The following UBE2U variants were observed in gnomAD, a reference collection of about 807,000 sequenced individuals.
UBE2U encodes the protein ubiquitin-conjugating enzyme E2 U.
A neutral mutation model predicts 41.2 loss-of-function variants in UBE2U; 39 were observed. The ratio of observed to expected loss-of-function variants is 0.95; its 90% CI spans 0.73 to 1.24. The LOEUF (loss-of-function observed/expected upper bound fraction) is 1.24, where lower values mean the gene tolerates loss of function less well. UBE2U is among the 50% of genes most tolerant of loss of function. The probability of loss-of-function intolerance (pLI) is 0.00; values close to 1 mark genes in which losing one functional copy is unlikely to be tolerated. For synonymous variants in UBE2U, 107 were observed against 117.8 expected (o/e 0.91, Z 0.60); for missense variants, 336 against 363.1 (o/e 0.93, Z 0.61).
intron 8 of UBE2U, among the ~76,000 whole-genome samples, chr1:64,254,295 C>A (rs1358013982): frequency 6.6e-6 from 1 of 152,082 alleles, no homozygotes; most frequent in Non-Finnish European, 1.5e-5. Context: ...ACTTAGACTC[C>A]CACACAGTAA....
intron 6 of UBE2U, among the ~76,000 whole-genome samples, chr1:64,222,103 A>AAAAAC (rs944569771): frequency 4.0e-5 from 6 of 151,506 alleles, no homozygotes; most frequent in African/African-American, 1.5e-4. Flanking sequence ...AAAAAAAAAA[A>AAAAAC]AAAAAACACA....
intron 7 of UBE2U, among the ~76,000 whole-genome samples, chr1:64,239,703 ATTTTT>A (rs1227258949): frequency 1.3e-5 from 2 of 151,942 alleles, no homozygotes; most frequent in African/African-American, 2.4e-5. Context: ...TGAACTCATC[ATTTTT>A]TATGGCTGCA....
intron 7 of UBE2U, among the ~76,000 whole-genome samples, chr1:64,237,265 G>A (rs1049726432): frequency 8.1e-5 from 12 of 147,262 alleles, no homozygotes; most frequent in Non-Finnish European, 1.6e-4. Flanking sequence ...AAAAAATTCA[G>A]GGCAACCCGT....
chr1:64,244,346 A>G (rs2100474047), intron 8 of UBE2U: 1 of 804,412 alleles, frequency 1.2e-6, no homozygotes, highest in East Asian at 7.3e-5. Context: ...AAAAATGTGT[A>G]TATTATATAT....
rs1442345023 is a variant in UBE2U, at chr1:64,210,750, C to G, written c.250C>G (p.His84Asp). The G allele has an allele frequency of 3.8e-6, 6 of 1,571,438 alleles. No homozygotes were observed. The highest frequency in any genetic ancestry group is 5.2e-6 in the Non-Finnish European group (6 of 1,157,866). ...GTATTATTTTAATACAGTAGACCCA[C>G]ACACTGGTCAGCCCTGTATAGACTT... ...TIPFHPNVDPHTGQPCIDFLD... is the reference protein window; with the variant it reads ...TIPFHPNVDPDTGQPCIDFLD... Residue 84 changes from histidine to aspartate, a missense_variant, in exon 4 of 10, where the codon CAC (histidine) becomes GAC (aspartate). Coordinates refer to ENST00000371077, the MANE Select transcript of UBE2U (RefSeq NM_001366232.2).
At chr1:64,205,861 G>T in intron 2 of UBE2U, 141 bp downstream of exon 2, 4 of 572,922 alleles carry the variant, frequency 7.0e-6, no homozygotes, top group Non-Finnish European at 8.6e-6. Context: ...CATTATACCA[G>T]TTGTCTAAAA....
chr1:64,208,137 T>C (rs377338240), intron 3 of UBE2U, among the ~76,000 whole-genome samples: 20 of 152,322 alleles, frequency 1.3e-4, no homozygotes, highest in African/African-American at 4.8e-4. Context: ...CATACATATT[T>C]AGTAGGCATG....
chr1:64,233,971 C>A (rs975328938), intron 7 of UBE2U, among the ~76,000 whole-genome samples: 3 of 152,158 alleles, frequency 2.0e-5, no homozygotes, highest in African/African-American at 7.2e-5. Context: ...CATGGCTTTT[C>A]ATCTCCCTTC....
At chr1:64,244,596 C>T (rs902044487) in intron 8 of UBE2U, among the ~76,000 whole-genome samples, 2 of 152,138 alleles carry the variant, frequency 1.3e-5, no homozygotes. Context: ...TACTCCACCT[C>T]CATCATTTCT....
intron 4 of UBE2U, among the ~76,000 whole-genome samples, 189 bp downstream of exon 4, chr1:64,211,028 G>A (rs1485067550): frequency 6.6e-6 from 1 of 152,172 alleles, no homozygotes; most frequent in East Asian, 1.9e-4. Flanking sequence ...ATTATTTAAA[G>A]TGAAATTGAT....
intron 9 of UBE2U, among the ~76,000 whole-genome samples, chr1:64,266,299 C>A (rs1464876451): frequency 6.6e-6 from 1 of 152,194 alleles, no homozygotes; most frequent in Admixed American, 6.5e-5. Context: ...CCTGATCTGG[C>A]TTCAGCCTCC....
intron 8 of UBE2U, among the ~76,000 whole-genome samples, chr1:64,252,320 C>T (rs1438140942): frequency 6.6e-6 from 1 of 152,202 alleles, no homozygotes; most frequent in African/African-American, 2.4e-5. Flanking sequence ...GTTGTTCCAG[C>T]CTGCTGGCTC....
chr1:64,211,052 C>A (rs1351185582), intron 4 of UBE2U, among the ~76,000 whole-genome samples: 1 of 152,140 alleles, frequency 6.6e-6, no homozygotes, highest in Non-Finnish European at 1.5e-5. Flanking sequence ...TAAGGCCCCT[C>A]AAGACCAAAG....
intron 6 of UBE2U, among the ~76,000 whole-genome samples, chr1:64,222,315 A>G (rs957886908): frequency 6.6e-6 from 1 of 152,292 alleles, no homozygotes; most frequent in East Asian, 1.9e-4. Context: ...CACCTAAAAC[A>G]TGAATGTCCT....
At chr1:64,208,873 G>A (rs1012683391) in intron 3 of UBE2U, among the ~76,000 whole-genome samples, 1 of 152,028 alleles carries the variant, frequency 6.6e-6, no homozygotes, top group Admixed American at 6.6e-5. Context: ...AAATATTTGT[G>A]TCCAGAAATA....
intron 7 of UBE2U, among the ~76,000 whole-genome samples, chr1:64,239,168 AGAAGAAG>A (rs1269522894): frequency 6.5e-4 from 47 of 72,316 alleles, no homozygotes; most frequent in Admixed American, 4.6e-3. Flanking sequence ...AAGAAGAAGA[AGAAGAAG>A]AAGAAGAAGA....
rs373425111 is a variant in UBE2U, at chr1:64,263,897, C to T, written c.770-3127C>T. On this transcript the variant is annotated intron_variant, in intron 9 of 9. Transcript: ENST00000371077. ...TCCCCATGAACTCATTGTTTTTGTC[C>T]CACTTTGGGTGGCTAAATGTGTGCA... Among the ~76,000 whole-genome samples, 32 of 152,280 alleles carry T rather than the reference C, an allele frequency of 2.1e-4. 6 individuals are homozygous for T. The South Asian group carries it at 3.1e-3, about 15-fold the overall frequency.
chr1:64,264,261 C>A (rs555736297), intron 9 of UBE2U, among the ~76,000 whole-genome samples: 1 of 152,242 alleles, frequency 6.6e-6, no homozygotes, highest in South Asian at 2.1e-4. Context: ...GCAGAGTTTC[C>A]ATGATCCAAC....
intron 6 of UBE2U, among the ~76,000 whole-genome samples, chr1:64,224,941 A>G: frequency 6.8e-6 from 1 of 146,254 alleles, no homozygotes; most frequent in Non-Finnish European, 1.5e-5. Flanking sequence ...ATTATCACAC[A>G]CACACACACA....
Sources: gnomAD v4.1 joint callset for allele counts (sites outside exome capture counted in the v4.1 genomes callset) on GRCh38, gnomAD v4.1.1 for gene constraint, MANE v1.5 for transcripts, NCBI Gene and HGNC (gene_info 2026-07-23, HGNC 2026-07-21) for gene names.